STK4: variants seen among roughly 807,000 people sequenced by gnomAD.
STK4 encodes serine/threonine kinase 4.
Under a neutral mutation model 64.9 loss-of-function variants are expected in STK4, and 30 were observed. The ratio of observed to expected loss-of-function variants is 0.46; its 90% CI spans 0.35 to 0.63. The LOEUF is 0.63. Ranked by LOEUF, STK4 falls within the 20% of genes least tolerant of loss-of-function variation. The pLI is 0.01. For synonymous variants in STK4, 177 were observed against 199.0 expected (o/e 0.89, Z 0.93); for missense variants, 466 against 598.5 (o/e 0.78, Z 2.31).
At chr20:45,052,282 C>G (rs949666911) in intron 10 of STK4, among the ~76,000 whole-genome samples, 4 of 152,124 alleles carry the variant, frequency 2.6e-5, no homozygotes, top group African/African-American at 9.7e-5. Context: ...CTTCCACCCC[C>G]CCCAGCAATA....
At chr20:45,000,791 G>A (rs6031926) in intron 8 of STK4, among the ~76,000 whole-genome samples, 2,706 of 152,240 alleles carry the variant, frequency 0.018, 86 homozygotes, top group African/African-American at 0.062. Context: ...GAATGCTCAG[G>A]TCTGGGACTT....
intron 10 of STK4, among the ~76,000 whole-genome samples, chr20:45,050,757 T>G (rs2145437561): frequency 6.6e-6 from 1 of 152,250 alleles, no homozygotes; most frequent in Non-Finnish European, 1.5e-5. Flanking sequence ...AATTTTTATA[T>G]ATTTTGATTT....
At chr20:45,071,511 G>A (rs1448023573) in intron 10 of STK4, among the ~76,000 whole-genome samples, 1 of 152,160 alleles carries the variant, frequency 6.6e-6, no homozygotes, top group Non-Finnish European at 1.5e-5. Context: ...AAGCCCCAAA[G>A]TTCTTAGGAC....
intron 4 of STK4, among the ~76,000 whole-genome samples, chr20:44,983,487 G>A (rs944596853): frequency 3.9e-5 from 6 of 152,168 alleles, no homozygotes; most frequent in African/African-American, 1.2e-4. Flanking sequence ...TCATGCGCCT[G>A]TAGTCCCAGC....
intron 10 of STK4, chr20:45,053,167 T>A: frequency 1.2e-6 from 2 of 1,612,274 alleles, no homozygotes; most frequent in African/African-American, 1.3e-5. Flanking sequence ...ATACGCTTTC[T>A]GAGAAACCAC....
chr20:45,043,144 C>T (rs953300452), intron 10 of STK4, among the ~76,000 whole-genome samples: 1 of 152,086 alleles, frequency 6.6e-6, no homozygotes, highest in African/African-American at 2.4e-5. Context: ...TAAGGATAAT[C>T]ACCTCCAGCT....
At position 45,035,015 on chromosome 20, in the gene STK4, A is replaced by G. The variant is rs574554978; in HGVS notation, c.1305+9885A>G. ...GTGTGTGTATATATAATATAGATAA[A>G]TTTTTAAAAATATATACACCTTTGT... On this transcript the variant is annotated intron_variant, in intron 10 of 10. Transcript: ENST00000372806. Among the ~76,000 whole-genome samples, 4 of 152,226 alleles carry G rather than the reference A, an allele frequency of 2.6e-5. No homozygotes were observed. In the East Asian group the frequency reaches 5.8e-4, roughly 22 times the overall value.
At chr20:45,024,665 A>G (rs1002480771) in intron 9 of STK4, among the ~76,000 whole-genome samples, 1 of 152,164 alleles carries the variant, frequency 6.6e-6, no homozygotes, top group Non-Finnish European at 1.5e-5. Context: ...GGAGACTCCA[A>G]ATGTATTATT....
chr20:44,984,225 T>C (rs6031910), intron 4 of STK4, among the ~76,000 whole-genome samples: 62,538 of 126,526 alleles, frequency 0.49, 16,663 homozygotes, highest in African/African-American at 0.64. Flanking sequence ...AGAGTCTCCT[T>C]GCTCTGTTGC....
intron 1 of STK4, among the ~76,000 whole-genome samples, chr20:44,971,606 TTAAA>T (rs1490549974): frequency 6.6e-6 from 1 of 152,090 alleles, no homozygotes; most frequent in Admixed American, 6.5e-5. Context: ...ATCTCAAGAT[TTAAA>T]TAGATTTTGA....
intron 10 of STK4, among the ~76,000 whole-genome samples, chr20:45,062,138 C>T (rs1406180027): frequency 6.6e-6 from 1 of 152,102 alleles, no homozygotes; most frequent in Non-Finnish European, 1.5e-5. Context: ...CCTTGGCTTC[C>T]CAAAGTGCTG....
At position 44,972,178 on chromosome 20, in the gene STK4, A is replaced by G. The variant is rs113435838; in HGVS notation, c.116+20A>G. ...AGAAGGGTGAGTGTAAAGAAACTAT[A>G]GGTAGGTCATTGGGTCCCAGTCTTT... On this transcript the variant is annotated intron_variant, in intron 2 of 10. Transcript: ENST00000372806. 276 of 1,604,208 alleles carry G rather than the reference A, an allele frequency of 1.7e-4. 1 individual carries two copies. In the African/African-American group the frequency reaches 3.3e-3, roughly 19 times the overall value.
chr20:45,022,924 CAA>C (rs1297452029), intron 9 of STK4, among the ~76,000 whole-genome samples: 1 of 152,172 alleles, frequency 6.6e-6, no homozygotes, highest in African/African-American at 2.4e-5. Flanking sequence ...AATAATGAGA[CAA>C]GAGAGGTTGG....
At chr20:44,985,080 G>A (rs572188006) in intron 4 of STK4, among the ~76,000 whole-genome samples, 2 of 152,284 alleles carry the variant, frequency 1.3e-5, no homozygotes, top group African/African-American at 2.4e-5. Context: ...CAAGTCATGA[G>A]CTTTGTTCTC....
At chr20:44,994,537 A>G (rs2067692954) in intron 5 of STK4, among the ~76,000 whole-genome samples, 1 of 149,474 alleles carries the variant, frequency 6.7e-6, no homozygotes, top group Non-Finnish European at 1.5e-5. Context: ...GTTATTTATT[A>G]TATTTAACTT....
At chr20:44,978,754 C>G (rs1470578138) in intron 3 of STK4, among the ~76,000 whole-genome samples, 183 bp downstream of exon 3, 1 of 148,462 alleles carries the variant, frequency 6.7e-6, no homozygotes, top group East Asian at 1.9e-4. Context: ...GTAGCTAAAC[C>G]TCCGTAATTT....
At chr20:44,976,042 G>T (rs1187895601) in intron 2 of STK4, among the ~76,000 whole-genome samples, 1 of 152,182 alleles carries the variant, frequency 6.6e-6, no homozygotes, top group Non-Finnish European at 1.5e-5. Flanking sequence ...GATCAAGGAG[G>T]AGATAACATT....
chr20:44,972,017 T>C (rs1227757973), intron 1 of STK4, 61 bp from the exon 2 acceptor site: 1 of 1,485,416 alleles, frequency 6.7e-7, no homozygotes, highest in African/African-American at 1.4e-5. Context: ...AAAAGATATA[T>C]TTTATGTTCT....
intron 1 of STK4, among the ~76,000 whole-genome samples, chr20:44,970,831 GGTTT>G (rs1568675610): frequency 6.6e-6 from 1 of 150,656 alleles, no homozygotes; most frequent in African/African-American, 2.4e-5. Flanking sequence ...GGTTTTTGTT[GGTTT>G]GTTTTATTTT....
Sources: allele counts gnomAD v4.1 joint callset (sites outside exome capture counted in the v4.1 genomes callset), GRCh38; gene constraint gnomAD v4.1.1; transcripts MANE v1.5; gene names NCBI Gene and HGNC (gene_info 2026-07-23, HGNC 2026-07-21).